TNPO1: variants seen among roughly 807,000 people sequenced by gnomAD.
The protein encoded by TNPO1 is transportin-1.
TNPO1 carries 8 observed loss-of-function variants against 119.5 expected under a neutral mutation model. That is an observed-to-expected ratio of 0.07 (90% CI 0.04 to 0.12). The LOEUF is 0.12. TNPO1 is among the 10% of genes least tolerant of loss of function. The probability of loss-of-function intolerance (pLI) is 1.00; values close to 1 mark genes in which losing one functional copy is unlikely to be tolerated. For synonymous variants in TNPO1, 362 were observed against 363.0 expected, an observed-to-expected ratio of 1.00 and a Z score of 0.03; for missense variants, 576 against 1,089.8, an observed-to-expected ratio of 0.53 and a Z score of 6.64.
chr5:72,826,331 A>G (rs989623938), intron 1 of TNPO1, among the ~76,000 whole-genome samples: 2 of 152,162 alleles, frequency 1.3e-5, no homozygotes, highest in Admixed American at 6.5e-5. Flanking sequence ...CTATAAGCAA[A>G]AGAATGGTTT....
intron 1 of TNPO1, among the ~76,000 whole-genome samples, chr5:72,817,122 C>G (rs2112145264): frequency 6.6e-6 from 1 of 152,340 alleles, no homozygotes; most frequent in Admixed American, 6.5e-5. Flanking sequence ...GTCGGCTGCC[C>G]CGGGACGGCT....
At chr5:72,841,427 CT>C (rs1429869596) in intron 1 of TNPO1, among the ~76,000 whole-genome samples, 1 of 151,188 alleles carries the variant, frequency 6.6e-6, no homozygotes, top group South Asian at 2.1e-4. Context: ...TCATTATAGA[CT>C]TTTTTTTCCA....
intron 15 of TNPO1, among the ~76,000 whole-genome samples, chr5:72,892,124 T>C (rs1441093498): frequency 6.6e-6 from 1 of 152,044 alleles, no homozygotes; most frequent in African/African-American, 2.4e-5. Flanking sequence ...CATACTACTC[T>C]ATATAGTATA....
chr5:72,819,430 C>G (rs1394119276), intron 1 of TNPO1, among the ~76,000 whole-genome samples: 2 of 152,138 alleles, frequency 1.3e-5, no homozygotes, highest in African/African-American at 4.8e-5. Flanking sequence ...TTGAAGGGTC[C>G]TTTGAAGTAC....
At chr5:72,861,965 A>G (rs1746489772) in intron 5 of TNPO1, 51 bp downstream of exon 5, 2 of 1,411,174 alleles carry the variant, frequency 1.4e-6, no homozygotes, top group Non-Finnish European at 2.0e-6. Context: ...TTTTCTTGTC[A>G]TGTTGTGTAT....
intron 4 of TNPO1, among the ~76,000 whole-genome samples, chr5:72,858,274 G>A (rs975068432): frequency 6.6e-6 from 1 of 152,158 alleles, no homozygotes; most frequent in Admixed American, 6.5e-5. Context: ...GACTGCTGAA[G>A]CTAGTTAATG....
At chr5:72,852,055 A>G (rs1238257449) in intron 3 of TNPO1, among the ~76,000 whole-genome samples, 1 of 152,226 alleles carries the variant, frequency 6.6e-6, no homozygotes, top group Non-Finnish European at 1.5e-5. Flanking sequence ...CTCTTCAATT[A>G]TATCCTTCTC....
chr5:72,904,375 C>T (rs993016318), intron 23 of TNPO1, among the ~76,000 whole-genome samples: 2 of 152,182 alleles, frequency 1.3e-5, no homozygotes, highest in Non-Finnish European at 2.9e-5. Flanking sequence ...TCAGAGATTG[C>T]TTAGAGTATA....
intron 7 of TNPO1, among the ~76,000 whole-genome samples, chr5:72,873,785 T>C (rs950636161): frequency 6.6e-5 from 10 of 152,114 alleles, no homozygotes; most frequent in Non-Finnish European, 1.5e-4. Flanking sequence ...CTTTATATCA[T>C]CTGTAAAATG....
At chr5:72,865,517 A>G (rs955125469) in intron 5 of TNPO1, 79 bp from the exon 6 acceptor site, 4 of 1,477,282 alleles carry the variant, frequency 2.7e-6, no homozygotes, top group South Asian at 2.4e-5. Context: ...GTCCATACAA[A>G]TTAATCAGCA....
chr5:72,851,527 C>CT (rs1419411222), intron 3 of TNPO1, among the ~76,000 whole-genome samples: 1 of 152,178 alleles, frequency 6.6e-6, no homozygotes, highest in African/African-American at 2.4e-5. Context: ...GAGTCTCACT[C>CT]TATCACCCAG....
chr5:72,848,143 G>C, intron 1 of TNPO1: 1 of 1,207,424 alleles, frequency 8.3e-7, no homozygotes, highest in Non-Finnish European at 1.0e-6. Context: ...TCGGCTCCTT[G>C]CGCTCGGCGG....
Position 72,905,402 on chromosome 5 carries a change from G to A in TNPO1, c.2689G>A (p.Gly897Ser). 1 of 1,609,468 alleles carries A rather than the reference G, an allele frequency of 6.2e-7. No individual in the cohort carries two copies. Among genetic ancestry groups the A allele is most frequent in the East Asian group, 2.2e-5 (1 of 44,802 alleles). ...PLKERLAAFY[G>S]V ...AAAAGAGCGTCTTGCAGCTTTTTAT[G>A]GTGTTTAATCTAATACACTTAAGCT... The change falls in exon 24 of 25, where the codon GGT (glycine) becomes AGT (serine). Residue 897 changes from glycine to serine, a missense_variant. Gly to Ser is a moderately conservative substitution (Grantham distance 56). This residue lies in a region of TNPO1 where 162 missense variants were observed against 294.1 expected (regional missense o/e 0.55). Coordinates refer to ENST00000337273, the MANE Select transcript of TNPO1 (RefSeq NM_002270.4).
intron 6 of TNPO1, among the ~76,000 whole-genome samples, chr5:72,870,937 A>G (rs1747346692): frequency 6.6e-6 from 1 of 152,160 alleles, no homozygotes; most frequent in Non-Finnish European, 1.5e-5. Flanking sequence ...CCCCCAACAA[A>G]TGAATGAATT....
intron 7 of TNPO1, among the ~76,000 whole-genome samples, chr5:72,875,263 C>T (rs533979019): frequency 6.6e-6 from 1 of 152,056 alleles, no homozygotes; most frequent in African/African-American, 2.4e-5. Flanking sequence ...AATCTATTAC[C>T]ACCTCTCACC....
chr5:72,872,365 A>G (rs1747465726), intron 6 of TNPO1, among the ~76,000 whole-genome samples: 1 of 151,322 alleles, frequency 6.6e-6, no homozygotes, highest in Non-Finnish European at 1.5e-5. Context: ...CCCAACCTCC[A>G]CTCTTTATGG....
chr5:72,848,322 C>A, intron 1 of TNPO1, 63 bp from the exon 2 acceptor site: 1 of 1,518,768 alleles, frequency 6.6e-7, no homozygotes. Flanking sequence ...CGGGAAGCCT[C>A]TGGGCCTGTG....
chr5:72,829,873 C>T (rs1177813841), intron 1 of TNPO1, among the ~76,000 whole-genome samples: 1 of 152,070 alleles, frequency 6.6e-6, no homozygotes, highest in East Asian at 1.9e-4. Flanking sequence ...GCAGTTAGTC[C>T]TAAAGCCCCA....
At chr5:72,865,776 A>C (rs1362358056) in intron 6 of TNPO1, 47 bp downstream of exon 6, 12 of 1,545,524 alleles carry the variant, frequency 7.8e-6, no homozygotes, top group Non-Finnish European at 1.0e-5. Context: ...TATAAACCTG[A>C]CCATTATCTT....
Sources: allele counts gnomAD v4.1 joint callset (sites outside exome capture counted in the v4.1 genomes callset), GRCh38; gene constraint gnomAD v4.1.1; regional missense constraint gnomAD v4.1.1; transcripts MANE v1.5; gene names NCBI Gene and HGNC (gene_info 2026-07-23, HGNC 2026-07-21).